MAOB: variants seen among roughly 807,000 people sequenced by gnomAD.
MAOB encodes amine oxidase [flavin-containing] B.
MAOB carries 15 observed loss-of-function variants against 41.9 expected under a neutral mutation model. The observed-to-expected ratio is 0.36, with a 90% CI of 0.24 to 0.55. MAOB has a LOEUF of 0.55. MAOB is among the 20% of genes least tolerant of loss of function. MAOB has a pLI of 0.86. For synonymous variants in MAOB, 167 were observed against 144.2 expected (o/e 1.16, Z -1.13); for missense variants, 345 against 398.7 (o/e 0.87, Z 1.15).
chrX:43,798,929 G>T (rs1452065178), intron 5 of MAOB, among the ~76,000 whole-genome samples: 2 of 111,345 alleles, frequency 1.8e-5, no homozygotes, highest in African/African-American at 6.5e-5. Flanking sequence ...AATATATAAC[G>T]ACACAACTTC....
At chrX:43,860,443 G>T (rs1379810363) in intron 1 of MAOB, among the ~76,000 whole-genome samples, 1 of 111,279 alleles carries the variant, frequency 9.0e-6, no homozygotes, top group Non-Finnish European at 1.9e-5. Flanking sequence ...TCCAGGAATT[G>T]TCCTTGATTC....
chrX:43,851,678 C>T (rs1482262093), intron 1 of MAOB, among the ~76,000 whole-genome samples: 2 of 111,493 alleles, frequency 1.8e-5, no homozygotes, highest in African/African-American at 6.5e-5. Context: ...ATGGGTGTTA[C>T]AAATGTTATG....
intron 3 of MAOB, among the ~76,000 whole-genome samples, chrX:43,825,132 G>A (rs774673785): frequency 5.3e-5 from 6 of 112,228 alleles, no homozygotes; most frequent in Non-Finnish European, 9.4e-5. Context: ...CTTCAGGGAC[G>A]GTAAGTTGGT....
intron 5 of MAOB, among the ~76,000 whole-genome samples, chrX:43,801,422 T>C (rs886118165): frequency 1.8e-5 from 2 of 111,538 alleles, no homozygotes; most frequent in Non-Finnish European, 3.8e-5. Context: ...TATTCTCAAC[T>C]AATGCTCTTT....
At chrX:43,875,644 G>A (rs1249419634) in intron 1 of MAOB, among the ~76,000 whole-genome samples, 1 of 111,794 alleles carries the variant, frequency 8.9e-6, no homozygotes, top group Non-Finnish European at 1.9e-5. Flanking sequence ...TATTACACCT[G>A]AACGTGGCCC....
chrX:43,855,531 A>C (rs1228027638), intron 1 of MAOB, among the ~76,000 whole-genome samples: 2 of 111,327 alleles, frequency 1.8e-5, no homozygotes, highest in African/African-American at 6.6e-5. Context: ...CTGCTTCTTC[A>C]TCTGTCACTG....
chrX:43,837,596 C>G (rs777982189), intron 3 of MAOB, among the ~76,000 whole-genome samples: 414 of 112,773 alleles, frequency 3.7e-3, no homozygotes, highest in Non-Finnish European at 6.1e-3. Context: ...GCTTAGTTCC[C>G]ATTTTATTAA....
At chrX:43,867,911 G>A (rs961233939) in intron 1 of MAOB, among the ~76,000 whole-genome samples, 9 of 111,913 alleles carry the variant, frequency 8.0e-5, no homozygotes, top group Non-Finnish European at 1.7e-4. Context: ...TTATATATAG[G>A]ATGTATCATT....
At chrX:43,792,137 A>C (rs752611832) in intron 8 of MAOB, among the ~76,000 whole-genome samples, 5 of 112,504 alleles carry the variant, frequency 4.4e-5, no homozygotes, top group Non-Finnish European at 9.4e-5. Flanking sequence ...AGGATTAAAT[A>C]AACCTTTTAT....
intron 1 of MAOB, among the ~76,000 whole-genome samples, chrX:43,850,147 A>G (rs968345233): frequency 1.1e-4 from 12 of 112,108 alleles, no homozygotes; most frequent in Admixed American, 9.5e-4. Context: ...ACACCTAGCA[A>G]TGGCAGAGCT....
chrX:43,771,311 C>T (rs1232727542), intron 12 of MAOB, among the ~76,000 whole-genome samples: 2 of 111,960 alleles, frequency 1.8e-5, no homozygotes, highest in Admixed American at 9.5e-5. Context: ...TTATAAAATA[C>T]GCTTTCTGTT....
At chrX:43,839,043 A>G in intron 2 of MAOB, 38 bp from the exon 3 acceptor site, 1 of 1,011,010 alleles carries the variant, frequency 9.9e-7, no homozygotes, top group Non-Finnish European at 1.3e-6. Flanking sequence ...AAAATTTGTA[A>G]AAAATGTATA....
At chrX:43,780,224 TA>T in intron 10 of MAOB, 117 bp downstream of exon 10, 1 of 578,139 alleles carries the variant, frequency 1.7e-6, no homozygotes, top group Non-Finnish European at 2.7e-6. Context: ...AAAAGTTAAG[TA>T]AAAATGAAAG....
chrX:43,798,189 C>A (rs1268034725), intron 5 of MAOB, among the ~76,000 whole-genome samples: 1 of 111,697 alleles, frequency 9.0e-6, no homozygotes, highest in Non-Finnish European at 1.9e-5. Context: ...GCTGTCTCCC[C>A]CCACTAGAAT....
At chrX:43,862,397 T>G (rs1203631370) in intron 1 of MAOB, among the ~76,000 whole-genome samples, 1 of 112,110 alleles carries the variant, frequency 8.9e-6, no homozygotes, top group Non-Finnish European at 1.9e-5. Flanking sequence ...TCAAAGCCAA[T>G]AAACATTTAT....
At chrX:43,847,654 T>G (rs1005842687) in intron 1 of MAOB, among the ~76,000 whole-genome samples, 1 of 112,324 alleles carries the variant, frequency 8.9e-6, no homozygotes, top group African/African-American at 3.2e-5. Flanking sequence ...ATACACTGAT[T>G]GATATAAAGT....
At chrX:43,871,514 G>A (rs1192119625) in intron 1 of MAOB, among the ~76,000 whole-genome samples, 1 of 104,778 alleles carries the variant, frequency 9.5e-6, no homozygotes, top group East Asian at 3.1e-4. Flanking sequence ...ATCCAGATAA[G>A]CATGTCTTTC....
At chrX:43,825,607 A>G (rs764803155) in intron 3 of MAOB, among the ~76,000 whole-genome samples, 16 of 111,801 alleles carry the variant, frequency 1.4e-4, no homozygotes, top group Admixed American at 8.6e-4. Flanking sequence ...ATTGTATTAT[A>G]CATTGCTATT....
At chrX:43,810,605 A>AT (rs939212860) in intron 3 of MAOB, among the ~76,000 whole-genome samples, 1 of 111,255 alleles carries the variant, frequency 9.0e-6, no homozygotes, top group African/African-American at 3.3e-5. Flanking sequence ...AATAATAATA[A>AT]AAAAAAGAAT....
Sources: gnomAD v4.1 joint callset for allele counts (sites outside exome capture counted in the v4.1 genomes callset) on GRCh38, gnomAD v4.1.1 for gene constraint, MANE v1.5 for transcripts, NCBI Gene and HGNC (gene_info 2026-07-23, HGNC 2026-07-21) for gene names.